Variants in VPS8 observed in about 807,000 individuals in gnomAD.
The protein encoded by VPS8 is VPS8 subunit of CORVET complex, also known as vacuolar protein sorting-associated protein 8 homolog.
VPS8 carries 129 observed loss-of-function variants against 216.4 expected under a neutral mutation model. That is an observed-to-expected ratio of 0.60 (90% CI 0.52 to 0.69). VPS8 has a LOEUF of 0.69. VPS8 is among the 30% of genes least tolerant of loss of function. The pLI, the probability that VPS8 is intolerant of heterozygous loss-of-function variation, is 0.00. For missense variants in VPS8, 1,531 were observed against 1,683.5 expected, an observed-to-expected ratio of 0.91 and a Z score of 1.59; for synonymous variants, 571 against 565.4, an observed-to-expected ratio of 1.01 and a Z score of -0.14.
intron 22 of VPS8, among the ~76,000 whole-genome samples, chr3:184,894,265 G>GT (rs1237449897): frequency 6.6e-6 from 1 of 151,840 alleles, no homozygotes; most frequent in Non-Finnish European, 1.5e-5. Context: ...TAGTCCTTTT[G>GT]TTTTTTTCCT....
chr3:184,840,567 C>G (rs1721941847), intron 7 of VPS8: 1 of 151,888 alleles, frequency 6.6e-6, no homozygotes, highest in African/African-American at 2.4e-5. Context: ...ATAAAATTAA[C>G]TGGGCGTGGT....
intron 6 of VPS8, 36 bp from the exon 7 acceptor site, chr3:184,839,662 A>C: frequency 6.4e-7 from 1 of 1,566,132 alleles, no homozygotes; most frequent in Non-Finnish European, 8.7e-7. Context: ...TTCTTAATGT[A>C]ATGTCTTAAA....
At chr3:184,818,081 A>T (rs1161855139) in intron 1 of VPS8, among the ~76,000 whole-genome samples, 1 of 152,156 alleles carries the variant, frequency 6.6e-6, no homozygotes, top group African/African-American at 2.4e-5. Flanking sequence ...AGCAGACATG[A>T]AGGGAAAGTG....
rs201593973 is a variant in VPS8 at position 184,915,415 on chromosome 3, C to A, written c.2323C>A (p.Pro775Thr). The stretch of plus-strand genomic sequence containing the variant: ...GGCTTCTCCTGAGGAAGAAATCTAT[C>A]CTTACATTCGGACTTTGCTACATTT... ...AEASPEEEIY[P>T]YIRTLLHFDT... The change falls in exon 28 of 48, where the codon CCT (proline) becomes ACT (threonine). Residue 775 changes from proline to threonine, a missense_variant. By Grantham distance (38) the Pro-to-Thr change is conservative. Around this residue, in one of 3 missense-constraint regions of VPS8, gnomAD observed 1,318 missense variants for 1,468.4 expected, o/e 0.90. Transcript: ENST00000625842. 121 of 1,613,864 alleles carry A rather than the reference C, an allele frequency of 7.5e-5. No individual in the cohort carries two copies. The African/African-American group carries it at 1.4e-3, about 19-fold the overall frequency.
intron 44 of VPS8, among the ~76,000 whole-genome samples, chr3:184,997,952 A>G (rs927405868): frequency 6.6e-6 from 1 of 150,632 alleles, no homozygotes; most frequent in Non-Finnish European, 1.5e-5. Context: ...GGAAGTGGCC[A>G]TGCAACGTCA....
At chr3:184,929,794 C>G in intron 33 of VPS8, 130 bp downstream of exon 33, 1 of 547,378 alleles carries the variant, frequency 1.8e-6, no homozygotes, top group Non-Finnish European at 3.1e-6. Flanking sequence ...AAAACAGATA[C>G]AGTTCTTGCA....
At chr3:184,989,800 T>C (rs1751626920) in intron 42 of VPS8, among the ~76,000 whole-genome samples, 1 of 152,044 alleles carries the variant, frequency 6.6e-6, no homozygotes, top group Non-Finnish European at 1.5e-5. Flanking sequence ...AGCCGGGATG[T>C]GGTGGCTCAC....
At chr3:184,899,337 C>G (rs981857742) in intron 24 of VPS8, among the ~76,000 whole-genome samples, 1 of 152,214 alleles carries the variant, frequency 6.6e-6, no homozygotes, top group Non-Finnish European at 1.5e-5. Context: ...AAAAGCAGGC[C>G]TCTGCCAAAG....
intron 1 of VPS8, among the ~76,000 whole-genome samples, chr3:184,816,916 A>G (rs2108466141): frequency 6.6e-6 from 1 of 152,288 alleles, no homozygotes; most frequent in African/African-American, 2.4e-5. Flanking sequence ...TCATAGAATC[A>G]TCTATATGAA....
intron 23 of VPS8, among the ~76,000 whole-genome samples, chr3:184,895,872 G>A (rs116053341): frequency 0.026 from 3,946 of 150,896 alleles, 181 homozygotes; most frequent in African/African-American, 0.092. Context: ...GACTTCAAGT[G>A]ATTCGCCTGC....
At chr3:184,999,543 C>T (rs1459921450) in intron 44 of VPS8, among the ~76,000 whole-genome samples, 153 bp from the exon 45 acceptor site, 1 of 152,228 alleles carries the variant, frequency 6.6e-6, no homozygotes, top group Non-Finnish European at 1.5e-5. Context: ...AGGACAGCAG[C>T]AAGTACATTC....
At chr3:185,001,621 C>G (rs1643801181) in intron 45 of VPS8, among the ~76,000 whole-genome samples, 1 of 802 alleles carries the variant, frequency 1.2e-3, no homozygotes, top group Admixed American at 0.033. Flanking sequence ...GTTATGTAGT[C>G]ATGCCTGAAA....
At chr3:184,921,521 T>C (rs906559171) in intron 29 of VPS8, among the ~76,000 whole-genome samples, 3 of 152,064 alleles carry the variant, frequency 2.0e-5, no homozygotes, top group Admixed American at 6.6e-5. Flanking sequence ...AGAAACATAG[T>C]CTGTATTCTT....
rs10530534 is a variant in VPS8 at position 184,998,479 on chromosome 3, TTATATATATATATATATATATATATA to T, written c.3837-1182_3837-1157del. 2.1e-4 allele frequency among the ~76,000 whole-genome samples: 28 copies of T among 135,024 alleles called. No homozygotes were observed. In the East Asian group the frequency reaches 2.8e-3, roughly 14 times the overall value. The allele number at this position is 135,024 out of a possible 152,430, so 88.6% of individuals were successfully genotyped here. The stretch of plus-strand genomic sequence containing the variant: ...AACAACAGAGTATAGAAGAGGAAGT[TTATATATATATATATATATATATATA>T]TATATATATATATATATATATATAT... On this transcript the variant is annotated intron_variant, in intron 44 of 47. Transcript: ENST00000625842.
rs748385248 is a variant in VPS8, at chr3:184,839,674, C to T, written c.481-24C>T. The T allele has an allele frequency of 2.2e-5, 35 of 1,588,152 alleles. 2 individuals are homozygous for T. In the South Asian group the frequency reaches 3.2e-4, roughly 15 times the overall value. On this transcript the variant is annotated intron_variant, in intron 6 of 47. Coordinates refer to ENST00000625842, the MANE Select transcript of VPS8 (RefSeq NM_001009921.3). ...AGATTCTTAATGTAATGTCTTAAAACGTAATCTTCCCTTTTGTTTTCAGGC... is the reference window on the plus strand; with the variant it reads ...AGATTCTTAATGTAATGTCTTAAAATGTAATCTTCCCTTTTGTTTTCAGGC...
At position 184,926,670 on chromosome 3, in the gene VPS8, T is replaced by C; in HGVS notation, c.2631+20T>C. 1.0e-5 allele frequency: 16 copies of C among 1,585,270 alleles called. No individual in the cohort carries two copies. The highest frequency in any genetic ancestry group is 1.4e-5 in the Non-Finnish European group (16 of 1,165,324). ...CAGCAGGTATGAACTACTAGAACTCTTTTTGCTAAAAAATAGGAAAGAAGA... is the reference window on the plus strand; with the variant it reads ...CAGCAGGTATGAACTACTAGAACTCCTTTTGCTAAAAAATAGGAAAGAAGA... On this transcript the variant is annotated intron_variant, in intron 31 of 47. Transcript: ENST00000625842.
chr3:184,865,493 T>G (rs1161905781), intron 16 of VPS8, among the ~76,000 whole-genome samples: 2 of 152,162 alleles, frequency 1.3e-5, no homozygotes, highest in African/African-American at 4.8e-5. Context: ...CTTAAAGAGC[T>G]GCTCAACATC....
chr3:184,873,933 G>A (rs992069911), intron 21 of VPS8, among the ~76,000 whole-genome samples: 3 of 152,282 alleles, frequency 2.0e-5, no homozygotes, highest in African/African-American at 7.2e-5. Context: ...ATTCCATTCA[G>A]GAGGACAGTT....
chr3:184,988,135 G>A (rs1480618462), intron 42 of VPS8, among the ~76,000 whole-genome samples: 1 of 152,108 alleles, frequency 6.6e-6, no homozygotes, highest in African/African-American at 2.4e-5. Context: ...TCTCTTAACA[G>A]TGTGTTTCAC....
Sources: gnomAD v4.1 joint callset for allele counts (sites outside exome capture counted in the v4.1 genomes callset) on GRCh38, gnomAD v4.1.1 for gene constraint, gnomAD v4.1.1 regional missense constraint, MANE v1.5 for transcripts, NCBI Gene and HGNC (gene_info 2026-07-23, HGNC 2026-07-21) for gene names.